Variants in CYLD observed in about 807,000 individuals in gnomAD.
CYLD encodes CYLD lysine 63 deubiquitinase.
CYLD carries 26 observed loss-of-function variants against 104.5 expected under a neutral mutation model. The ratio of observed to expected loss-of-function variants is 0.25; its 90% confidence interval spans 0.18 to 0.35. CYLD has a LOEUF of 0.35. Ranked by LOEUF, CYLD falls within the 10% of genes least tolerant of loss-of-function variation. CYLD has a pLI of 1.00. For synonymous variants in CYLD, 385 were observed against 399.9 expected (o/e 0.96, Z 0.45); for missense variants, 703 against 1,136.1 (o/e 0.62, Z 5.48).
intron 2 of CYLD, among the ~76,000 whole-genome samples, chr16:50,747,704 C>T (rs185839160): frequency 2.0e-5 from 3 of 152,010 alleles, no homozygotes; most frequent in African/African-American, 2.4e-5. Context: ...CCACAGGTGT[C>T]TTATATAAGT....
intron 15 of CYLD, 70 bp downstream of exon 15, chr16:50,791,760 G>A (rs1287214281): frequency 6.5e-7 from 1 of 1,534,654 alleles, no homozygotes; most frequent in Non-Finnish European, 9.0e-7. Context: ...GGTAGTTTCA[G>A]TATCTATTGA....
chr16:50,762,037 T>C (rs1484212026), intron 5 of CYLD, among the ~76,000 whole-genome samples: 3 of 152,180 alleles, frequency 2.0e-5, no homozygotes, highest in African/African-American at 7.2e-5. Flanking sequence ...TTGTATATAT[T>C]CATGGGGTAC....
chr16:50,773,052 C>T (rs1403111889), intron 5 of CYLD, among the ~76,000 whole-genome samples: 2 of 152,126 alleles, frequency 1.3e-5, no homozygotes, highest in Non-Finnish European at 2.9e-5. Context: ...TTAATAATAC[C>T]TCATTCTACT....
intron 12 of CYLD, chr16:50,786,629 G>C (rs1225206333): frequency 2.1e-6 from 1 of 465,622 alleles, no homozygotes; most frequent in African/African-American, 2.0e-5. Flanking sequence ...ATGTGGTGGT[G>C]CACGCCTGTA....
chr16:50,790,091 T>C (rs1207929470), intron 14 of CYLD, among the ~76,000 whole-genome samples: 1 of 152,296 alleles, frequency 6.6e-6, no homozygotes, highest in Non-Finnish European at 1.5e-5. Flanking sequence ...GAAAAGGCAA[T>C]GTTTCAACAG....
At chr16:50,770,814 G>C (rs929637615) in intron 5 of CYLD, among the ~76,000 whole-genome samples, 1 of 152,122 alleles carries the variant, frequency 6.6e-6, no homozygotes, top group Non-Finnish European at 1.5e-5. Context: ...ATTGGATCCT[G>C]TGCTTTTTTA....
chr16:50,771,413 C>T (rs1209764277), intron 5 of CYLD, among the ~76,000 whole-genome samples: 1 of 152,140 alleles, frequency 6.6e-6, no homozygotes, highest in Non-Finnish European at 1.5e-5. Context: ...ATTTTTCAGT[C>T]GATGGACGTC....
At chr16:50,751,974 A>ATTAGTT (rs1966661173) in intron 4 of CYLD, 68 bp downstream of exon 4, 1 of 436,204 alleles carries the variant, frequency 2.3e-6, no homozygotes, top group Admixed American at 5.1e-5. Context: ...GTATATATAT[A>ATTAGTT]TATAAACATA....
At chr16:50,795,207 A>G (rs191823720) in intron 18 of CYLD, among the ~76,000 whole-genome samples, 169 of 152,294 alleles carry the variant, frequency 1.1e-3, no homozygotes, top group Non-Finnish European at 1.7e-3. Flanking sequence ...CTCAGTGCAT[A>G]TGTTTTTTTG....
At chr16:50,786,656 T>C (rs533343062) in intron 12 of CYLD, 199 bp from the exon 13 acceptor site, 2 of 514,870 alleles carry the variant, frequency 3.9e-6, no homozygotes, top group South Asian at 2.2e-5. Flanking sequence ...GCTACTTTGG[T>C]GGCTGAGGCA....
At chr16:50,786,287 C>G (rs754994404) in intron 12 of CYLD, 2 of 152,196 alleles carry the variant, frequency 1.3e-5, no homozygotes, top group African/African-American at 2.4e-5. Flanking sequence ...AAATCAGTCA[C>G]AGCAAACCTA....
intron 10 of CYLD, 61 bp downstream of exon 10, chr16:50,781,472 CATGTT>C: frequency 2.6e-6 from 4 of 1,563,332 alleles, no homozygotes; most frequent in Non-Finnish European, 3.5e-6. Flanking sequence ...AATCTCATAT[CATGTT>C]ATATTAGGTG....
In CYLD at chr16:50,794,110, C is replaced by G. The variant is rs769657457; in HGVS notation, c.2470-102C>G. On this transcript the variant is annotated intron_variant, in intron 17 of 18. Coordinates refer to ENST00000427738, the MANE Select transcript of CYLD (RefSeq NM_001378743.1). The surrounding 1 kb of genome is among the most constrained non-coding windows in gnomAD (Gnocchi z 4.1). The stretch of plus-strand genomic sequence containing the variant: ...GCCCAGCTAATTTTTGTATTTTTAA[C>G]AGAGACAGGGTTTCACCATCTTGAT... 6.1e-5 allele frequency: 67 copies of G among 1,106,632 alleles called. No individual in the cohort carries two copies. Among genetic ancestry groups the G allele is most frequent in the Non-Finnish European group, 8.5e-5 (62 of 732,314 alleles). 68.6% of individuals were successfully genotyped at this position (1,106,632 alleles called of 1,614,324 possible).
Position 50,755,512 on chromosome 16 carries a change from C to T in CYLD, c.913+1088C>T, listed in dbSNP as rs540735590. On this transcript the variant is annotated intron_variant, in intron 5 of 18. Coordinates refer to ENST00000427738, the MANE Select transcript of CYLD (RefSeq NM_001378743.1). ...TCCACCAACAGTGTAAAAATGTTCC[C>T]TTTTCACCACATCCATGCCAACATC... Among the ~76,000 whole-genome samples, 22 of 152,252 alleles carry T rather than the reference C, an allele frequency of 1.4e-4. No individual in the cohort carries two copies. In the East Asian group the frequency reaches 2.7e-3, roughly 19 times the overall value.
intron 7 of CYLD, among the ~76,000 whole-genome samples, chr16:50,776,714 G>A (rs894260505): frequency 6.6e-6 from 1 of 152,182 alleles, no homozygotes; most frequent in African/African-American, 2.4e-5. Flanking sequence ...TTTCCCAGAA[G>A]CTTCCTCACA....
intron 4 of CYLD, among the ~76,000 whole-genome samples, 177 bp downstream of exon 4, chr16:50,752,083 A>G: frequency 6.6e-6 from 1 of 150,834 alleles, no homozygotes; most frequent in East Asian, 1.9e-4. Flanking sequence ...CACTTTGAAT[A>G]TTTAACATGA....
chr16:50,742,467 G>C, intron 1 of CYLD: 2 of 269,086 alleles, frequency 7.4e-6, no homozygotes, highest in Non-Finnish European at 1.4e-5. Context: ...TCCGGGGAGC[G>C]TGCGGGGTCG....
intron 5 of CYLD, among the ~76,000 whole-genome samples, chr16:50,769,685 C>G (rs1004084053): frequency 1.3e-5 from 2 of 152,130 alleles, no homozygotes; most frequent in African/African-American, 4.8e-5. Flanking sequence ...TGTTGTAAAA[C>G]AAGACGTGTG....
In CYLD at chr16:50,796,814, TTTAA is replaced by T. The variant is rs1242775939; in HGVS notation, c.*309_*312del. On this transcript the variant is annotated 3_prime_UTR_variant, in exon 19 of 19. Coordinates refer to ENST00000427738, the MANE Select transcript of CYLD (RefSeq NM_001378743.1). ...TATGATATTTTTGGAAGCATACAAT[TTTAA>T]TTGTGGAAGTTTAAAGCCTCTTTTA... 1.0e-4 allele frequency: 42 copies of T among 403,952 alleles called. No homozygotes were observed. The highest frequency in any genetic ancestry group is 1.9e-4 in the Non-Finnish European group (41 of 217,610). 25.0% of individuals were successfully genotyped at this position (403,952 alleles called of 1,614,324 possible).
Sources: gnomAD v4.1 joint callset for allele counts (sites outside exome capture counted in the v4.1 genomes callset) on GRCh38, gnomAD v4.1.1 for gene constraint, Gnocchi (gnomAD v3.1) non-coding constraint, MANE v1.5 for transcripts, NCBI Gene and HGNC (gene_info 2026-07-23, HGNC 2026-07-21) for gene names.